MAST4: variants seen among roughly 807,000 people sequenced by gnomAD.
MAST4 encodes the protein microtubule-associated serine/threonine-protein kinase 4.
A neutral mutation model predicts 162.7 loss-of-function variants in MAST4; 89 were observed. The observed-to-expected ratio is 0.55, with a 90% CI of 0.46 to 0.65. The LOEUF (loss-of-function observed/expected upper bound fraction) is 0.65, where lower values mean the gene tolerates loss of function less well. Ranked by LOEUF, MAST4 falls within the 30% of genes least tolerant of loss-of-function variation. MAST4 has a pLI of 0.00. For synonymous variants in MAST4, 1,479 were observed against 1,361.1 expected (o/e 1.09, Z -1.91); for missense variants, 3,153 against 3,374.0 (o/e 0.93, Z 1.62).
At chr5:67,081,038 A>T (rs1223176197) in intron 5 of MAST4, among the ~76,000 whole-genome samples, 1 of 129,770 alleles carries the variant, frequency 7.7e-6, no homozygotes, top group Admixed American at 8.3e-5. Context: ...ATATAATATA[A>T]TATATAATTG....
At chr5:66,808,795 C>T (rs749638034) in intron 3 of MAST4, among the ~76,000 whole-genome samples, 16 of 152,148 alleles carry the variant, frequency 1.1e-4, no homozygotes, top group Non-Finnish European at 1.9e-4. Context: ...CTGGTGGAAT[C>T]GTGTTCAGGT....
At chr5:66,984,204 T>C (rs1561504038) in intron 4 of MAST4, among the ~76,000 whole-genome samples, 1 of 152,174 alleles carries the variant, frequency 6.6e-6, no homozygotes, top group Non-Finnish European at 1.5e-5. Context: ...ATGGCTTCTT[T>C]CTTCCTGAAG....
chr5:66,602,113 A>G (rs766471263), intron 1 of MAST4, among the ~76,000 whole-genome samples: 20 of 152,220 alleles, frequency 1.3e-4, no homozygotes, highest in Non-Finnish European at 2.8e-4. Context: ...TGTTAATGCT[A>G]CTTTTCACTG....
At chr5:66,755,099 A>T (rs1432963075) in intron 1 of MAST4, among the ~76,000 whole-genome samples, 1 of 152,096 alleles carries the variant, frequency 6.6e-6, no homozygotes, top group Non-Finnish European at 1.5e-5. Flanking sequence ...GAGAGGATGG[A>T]AGCACAGAGA....
intron 1 of MAST4, among the ~76,000 whole-genome samples, chr5:66,728,504 T>C (rs1426729598): frequency 6.6e-6 from 1 of 152,196 alleles, no homozygotes; most frequent in African/African-American, 2.4e-5. Flanking sequence ...TAATTTACTT[T>C]TGCTATAGTC....
chr5:66,601,849 G>A (rs889428097), intron 1 of MAST4, among the ~76,000 whole-genome samples: 2 of 152,134 alleles, frequency 1.3e-5, no homozygotes, highest in African/African-American at 4.8e-5. Flanking sequence ...GGGTCAGGAA[G>A]TATGAAGCCC....
chr5:66,598,425 G>T (rs1742339435), intron 1 of MAST4, among the ~76,000 whole-genome samples: 1 of 152,096 alleles, frequency 6.6e-6, no homozygotes, highest in Admixed American at 6.5e-5. Flanking sequence ...CTCCTGTTTC[G>T]AATCAGGAAT....
chr5:66,854,712 T>G (rs1328559975), intron 3 of MAST4, among the ~76,000 whole-genome samples: 1 of 151,934 alleles, frequency 6.6e-6, no homozygotes, highest in Admixed American at 6.6e-5. Flanking sequence ...TGTATTCTAG[T>G]CCTTAGAAGT....
At chr5:66,959,127 C>T in intron 4 of MAST4, 1 of 712,348 alleles carries the variant, frequency 1.4e-6, no homozygotes, top group South Asian at 1.5e-5. Flanking sequence ...CTCCCCCTCC[C>T]CCTCGAGAGA....
At chr5:66,884,615 A>G (rs562790446) in intron 3 of MAST4, among the ~76,000 whole-genome samples, 2 of 152,146 alleles carry the variant, frequency 1.3e-5, no homozygotes, top group African/African-American at 2.4e-5. Context: ...GTAAGTGTTA[A>G]TGTTGTAATA....
At chr5:67,118,258 A>T (rs764309799) in intron 12 of MAST4, among the ~76,000 whole-genome samples, 1 of 152,230 alleles carries the variant, frequency 6.6e-6, no homozygotes, top group Non-Finnish European at 1.5e-5. Flanking sequence ...AAGGAATGGA[A>T]CACGAGATAT....
chr5:66,903,767 G>C (rs553137191), intron 4 of MAST4, among the ~76,000 whole-genome samples: 23 of 152,270 alleles, frequency 1.5e-4, no homozygotes, highest in Middle Eastern at 3.4e-3. Flanking sequence ...GACTCTGAAT[G>C]CCTGTTCTTT....
chr5:66,963,362 G>T (rs530071944), intron 4 of MAST4, among the ~76,000 whole-genome samples: 1 of 152,182 alleles, frequency 6.6e-6, no homozygotes, highest in South Asian at 2.1e-4. Flanking sequence ...TATTTGCATT[G>T]TCTTCTTAAT....
intron 22 of MAST4, 104 bp downstream of exon 22, chr5:67,144,900 A>G: frequency 7.4e-7 from 1 of 1,346,296 alleles, no homozygotes; most frequent in Non-Finnish European, 1.0e-6. Flanking sequence ...TAAAACACAG[A>G]TCTCCCACTT....
chr5:66,837,979 A>G (rs917188463), intron 3 of MAST4, among the ~76,000 whole-genome samples: 1 of 149,870 alleles, frequency 6.7e-6, no homozygotes, highest in South Asian at 2.1e-4. Context: ...CTTCCAAATA[A>G]CAACAATGAT....
At chr5:66,849,979 A>G (rs1759185643) in intron 3 of MAST4, among the ~76,000 whole-genome samples, 1 of 152,166 alleles carries the variant, frequency 6.6e-6, no homozygotes, top group Non-Finnish European at 1.5e-5. Flanking sequence ...GGCATGAGGC[A>G]ATTATTTATA....
chr5:67,057,354 A>G (rs1397592212), intron 5 of MAST4, among the ~76,000 whole-genome samples: 5 of 152,100 alleles, frequency 3.3e-5, no homozygotes, highest in Admixed American at 6.6e-5. Context: ...ATAAAGTTGC[A>G]CTTTCTACTT....
chr5:66,849,929 G>A (rs1759181324), intron 3 of MAST4, among the ~76,000 whole-genome samples: 1 of 152,180 alleles, frequency 6.6e-6, no homozygotes, highest in South Asian at 2.1e-4. Flanking sequence ...GGTCTGCTTA[G>A]ATGTTAATGG....
At chr5:66,664,680 G>A (rs1232162162) in intron 1 of MAST4, among the ~76,000 whole-genome samples, 1 of 150,098 alleles carries the variant, frequency 6.7e-6, no homozygotes, top group Admixed American at 6.7e-5. Flanking sequence ...AGAACAAGGA[G>A]AGGATAAGAC....
Sources: gnomAD v4.1 joint callset for allele counts (sites outside exome capture counted in the v4.1 genomes callset) on GRCh38, gnomAD v4.1.1 for gene constraint, MANE v1.5 for transcripts, NCBI Gene and HGNC (gene_info 2026-07-23, HGNC 2026-07-21) for gene names.